Variants in P3H2 observed in about 807,000 individuals in gnomAD.
The protein encoded by P3H2 is prolyl 3-hydroxylase 2, also known as leprecan-like 1.
A neutral mutation model predicts 87.0 loss-of-function variants in P3H2; 80 were observed. The ratio of observed to expected loss-of-function variants is 0.92; its 90% CI spans 0.77 to 1.11. P3H2 has a LOEUF of 1.11. Ranked by LOEUF, P3H2 falls within the 50% of genes least tolerant of loss-of-function variation. P3H2 has a pLI of 0.00. For synonymous variants in P3H2, 367 were observed against 359.3 expected (o/e 1.02, Z -0.24); for missense variants, 1,001 against 923.9 (o/e 1.08, Z -1.08).
intron 1 of P3H2, among the ~76,000 whole-genome samples, chr3:190,015,360 C>A (rs2108937162): frequency 6.6e-6 from 1 of 152,266 alleles, no homozygotes. Flanking sequence ...GTATAATCTG[C>A]TTAATCCACT....
chr3:190,085,976 A>G (rs1727199029), intron 1 of P3H2, among the ~76,000 whole-genome samples: 1 of 152,192 alleles, frequency 6.6e-6, no homozygotes, highest in Non-Finnish European at 1.5e-5. Flanking sequence ...CATTGGGTGC[A>G]GCAAAATTTA....
At chr3:190,042,351 T>C (rs73068638) in intron 1 of P3H2, among the ~76,000 whole-genome samples, 24,945 of 152,046 alleles carry the variant, frequency 0.16, 2,746 homozygotes, top group African/African-American at 0.31. Flanking sequence ...AGGACACGGT[T>C]CCAAAAATTT....
At chr3:189,959,423 A>G (rs1722744945) in intron 14 of P3H2, among the ~76,000 whole-genome samples, 1 of 90,250 alleles carries the variant, frequency 1.1e-5, no homozygotes, top group Admixed American at 1.6e-4. Context: ...ACCCCACAAC[A>G]GTCCCCAGAG....
intron 1 of P3H2, among the ~76,000 whole-genome samples, chr3:190,022,731 T>A (rs1189420423): frequency 1.3e-5 from 1 of 78,244 alleles, no homozygotes; most frequent in Non-Finnish European, 3.2e-5. Context: ...CAAATTCTGT[T>A]ATGCCTCAGA....
intron 1 of P3H2, among the ~76,000 whole-genome samples, chr3:190,027,373 G>A (rs183533605): frequency 6.6e-6 from 1 of 152,110 alleles, no homozygotes; most frequent in African/African-American, 2.4e-5. Flanking sequence ...CACAGCCAGC[G>A]AATTCCACCA....
chr3:189,982,426 T>C (rs1354746642), intron 8 of P3H2, among the ~76,000 whole-genome samples: 1 of 152,238 alleles, frequency 6.6e-6, no homozygotes, highest in Non-Finnish European at 1.5e-5. Context: ...ACTTAAAAAC[T>C]GTTTTTGGCA....
chr3:189,982,484 A>G (rs1337758182), intron 8 of P3H2, among the ~76,000 whole-genome samples: 1 of 152,206 alleles, frequency 6.6e-6, no homozygotes, highest in Non-Finnish European at 1.5e-5. Context: ...ATAAGTAGGC[A>G]CATAATGTTC....
chr3:190,010,557 G>A (rs1050969596), intron 1 of P3H2, among the ~76,000 whole-genome samples: 1 of 152,028 alleles, frequency 6.6e-6, no homozygotes, highest in Non-Finnish European at 1.5e-5. Context: ...CACAAACAGA[G>A]GAAACACTAC....
At chr3:190,087,654 C>A (rs944644819) in intron 1 of P3H2, among the ~76,000 whole-genome samples, 1 of 151,188 alleles carries the variant, frequency 6.6e-6, no homozygotes, top group South Asian at 2.1e-4. Context: ...TATTTGAATA[C>A]GATCAGTATT....
In P3H2 at chr3:189,994,247, C is replaced by T. The variant is rs758731716; in HGVS notation, c.670G>A (p.Asp224Asn). ...YNAGVKHYEA[D>N]DFEMAIRHFE... ...TGCCTGATAGCCATCTCAAAGTCAT[C>T]AGCCTCATAATGTTTAACTCCTGCA... is the stretch of plus-strand genomic sequence containing the variant. Residue 224 changes from aspartate to asparagine, a missense_variant, in exon 3 of 15, where the codon GAT becomes AAT. Coordinates refer to ENST00000319332, the MANE Select transcript of P3H2 (RefSeq NM_018192.4). 4 of 1,613,550 alleles carry T rather than the reference C, an allele frequency of 2.5e-6. No individual in the cohort carries two copies. The highest frequency in any genetic ancestry group is 1.1e-5 in the South Asian group (1 of 91,058).
At chr3:190,070,432 G>A (rs1726663466) in intron 1 of P3H2, among the ~76,000 whole-genome samples, 1 of 152,060 alleles carries the variant, frequency 6.6e-6, no homozygotes, top group Admixed American at 6.6e-5. Flanking sequence ...CCGAGTCACA[G>A]GAATATCAAG....
intron 8 of P3H2, among the ~76,000 whole-genome samples, chr3:189,978,584 T>C (rs13323710): frequency 0.31 from 46,800 of 151,710 alleles, 7,484 homozygotes; most frequent in East Asian, 0.51. Context: ...AATATGCCTT[T>C]CATGTAGCTA....
chr3:190,054,836 C>T (rs1290393254), intron 1 of P3H2, among the ~76,000 whole-genome samples: 1 of 152,162 alleles, frequency 6.6e-6, no homozygotes, highest in Non-Finnish European at 1.5e-5. Flanking sequence ...TACTACCCGC[C>T]TCTTCTTCAC....
At position 190,079,384 on chromosome 3, in the gene P3H2, A is replaced by G. The variant is rs142232215; in HGVS notation, c.480+40868T>C. ...AATAAATAAATAAATAAATAAATAA[A>G]TAATCCTTATCTGTAAAGCTGGGGA... On this transcript the variant is annotated intron_variant, in intron 1 of 14. Transcript: ENST00000319332. 2.4e-3 allele frequency among the ~76,000 whole-genome samples: 340 copies of G among 142,072 alleles called. 2 individuals are homozygous for G. Among genetic ancestry groups the G allele is most frequent in the African/African-American group, 8.5e-3 (327 of 38,692 alleles). The allele number at this position is 142,072 out of a possible 152,430, so 93.2% of individuals were successfully genotyped here. A position where few individuals can be genotyped will look rare whatever the true frequency, so the allele number is the denominator to read the frequency against.
At chr3:189,969,597 C>T in intron 13 of P3H2, 2 of 1,226,122 alleles carry the variant, frequency 1.6e-6, no homozygotes. Flanking sequence ...GTCCCTATGA[C>T]ATGTGTACAG....
chr3:189,959,960 G>A (rs904599738), intron 14 of P3H2, among the ~76,000 whole-genome samples: 6 of 150,162 alleles, frequency 4.0e-5, no homozygotes, highest in African/African-American at 1.5e-4. Context: ...AATACAATTC[G>A]CATTTCCCAA....
intron 1 of P3H2, among the ~76,000 whole-genome samples, chr3:190,095,186 T>C (rs1487094514): frequency 7.9e-5 from 12 of 151,154 alleles, no homozygotes; most frequent in African/African-American, 2.9e-4. Context: ...ATTATTATGT[T>C]CATTTTACAG....
At chr3:189,974,036 A>G (rs1365688562) in intron 9 of P3H2, 32 bp from the exon 10 acceptor site, 9 of 1,530,774 alleles carry the variant, frequency 5.9e-6, no homozygotes, top group East Asian at 4.5e-5. Flanking sequence ...TACGTCATCA[A>G]TGATAACTAT....
intron 1 of P3H2, among the ~76,000 whole-genome samples, chr3:190,097,078 A>C (rs1227435641): frequency 6.6e-6 from 1 of 152,152 alleles, no homozygotes; most frequent in African/African-American, 2.4e-5. Flanking sequence ...TAAACCTCCG[A>C]TTTCTCACAG....
Sources: allele counts gnomAD v4.1 joint callset (sites outside exome capture counted in the v4.1 genomes callset), GRCh38; gene constraint gnomAD v4.1.1; transcripts MANE v1.5; gene names NCBI Gene and HGNC (gene_info 2026-07-23, HGNC 2026-07-21).